The following RALYL variants were observed in gnomAD, a reference collection of about 807,000 sequenced individuals.
RALYL encodes RALY RNA binding protein like.
RALYL carries 29 observed loss-of-function variants against 35.1 expected under a neutral mutation model. The observed-to-expected ratio is 0.83, with a 90% CI of 0.61 to 1.13. The LOEUF (loss-of-function observed/expected upper bound fraction) is 1.13. Among genes scored for constraint, RALYL ranks in the 50% most tolerant of loss-of-function variants. The pLI is 0.00. For missense variants in RALYL, 359 were observed against 360.4 expected, an observed-to-expected ratio of 1.00 and a Z score of 0.03; for synonymous variants, 120 against 127.6, an observed-to-expected ratio of 0.94 and a Z score of 0.40.
intron 2 of RALYL, among the ~76,000 whole-genome samples, chr8:84,674,604 A>T (rs539187666): frequency 6.6e-6 from 1 of 152,270 alleles, no homozygotes; most frequent in East Asian, 1.9e-4. Context: ...TACACTCTGG[A>T]TGATTACACA....
chr8:84,254,823 C>G (rs1830915488), intron 1 of RALYL, among the ~76,000 whole-genome samples: 1 of 150,500 alleles, frequency 6.6e-6, no homozygotes, highest in Non-Finnish European at 1.5e-5. Flanking sequence ...AGAATCATGG[C>G]TGAAGACGAA....
chr8:84,796,475 T>C (rs982898524), intron 3 of RALYL, among the ~76,000 whole-genome samples: 1 of 152,244 alleles, frequency 6.6e-6, no homozygotes, highest in African/African-American at 2.4e-5. Flanking sequence ...CTTTAGGCAA[T>C]AAATGAATTT....
intron 1 of RALYL, among the ~76,000 whole-genome samples, chr8:84,223,079 CTGCCT>C (rs774377995): frequency 0.054 from 7,241 of 132,986 alleles, 664 homozygotes; most frequent in Middle Eastern, 0.11. Context: ...TCCCTTTGCC[CTGCCT>C]TTCCTTTCCT....
chr8:84,839,010 G>T (rs1391457889), intron 4 of RALYL, among the ~76,000 whole-genome samples: 2 of 152,218 alleles, frequency 1.3e-5, no homozygotes, highest in Middle Eastern at 3.2e-3. Context: ...GGCCAAATAG[G>T]AACAGCTCCA....
At chr8:84,402,460 C>T (rs1468269509) in intron 1 of RALYL, among the ~76,000 whole-genome samples, 6 of 152,022 alleles carry the variant, frequency 3.9e-5, no homozygotes, top group Non-Finnish European at 5.9e-5. Flanking sequence ...AGGCAGCTTT[C>T]GGAGCTTCTC....
intron 8 of RALYL, among the ~76,000 whole-genome samples, chr8:84,916,073 G>A (rs992118354): frequency 6.6e-6 from 1 of 151,888 alleles, no homozygotes; most frequent in African/African-American, 2.4e-5. Flanking sequence ...TCCTAAAACT[G>A]AAGCTAAACA....
At position 84,548,962 on chromosome 8, in the gene RALYL, C is replaced by G. The variant is rs550484298; in HGVS notation, c.256+19385C>G. Among the ~76,000 whole-genome samples the G allele has an allele frequency of 1.3e-4, 20 of 152,178 alleles. 2 individuals carry two copies. In the South Asian group the frequency reaches 3.9e-3, roughly 30 times the overall value. ...GAAGAACTTTCCTCAAAATACAGAC[C>G]CTTTTTATGTACTCGCAAATTGGAT... On this transcript the variant is annotated intron_variant, in intron 2 of 8. Transcript: ENST00000521268.
intron 1 of RALYL, among the ~76,000 whole-genome samples, chr8:84,411,877 C>T (rs910287914): frequency 1.3e-5 from 2 of 152,048 alleles, no homozygotes; most frequent in East Asian, 1.9e-4. Context: ...TAAATGTCAC[C>T]TTTGCCACTT....
intron 2 of RALYL, among the ~76,000 whole-genome samples, chr8:84,728,411 C>T (rs1845434971): frequency 6.6e-6 from 1 of 151,428 alleles, no homozygotes; most frequent in Non-Finnish European, 1.5e-5. Flanking sequence ...AAATTTTCTC[C>T]CATTTTGTAG....
chr8:84,329,671 G>A (rs1846461644), intron 1 of RALYL, among the ~76,000 whole-genome samples: 1 of 151,892 alleles, frequency 6.6e-6, no homozygotes, highest in Non-Finnish European at 1.5e-5. Flanking sequence ...TTATATTGTT[G>A]TAAATAAGAC....
At chr8:84,568,954 G>A (rs1229367733) in intron 2 of RALYL, among the ~76,000 whole-genome samples, 4 of 150,212 alleles carry the variant, frequency 2.7e-5, no homozygotes, top group African/African-American at 7.3e-5. Flanking sequence ...TTAGCCCTTT[G>A]TCAGATGAGT....
At chr8:84,842,709 A>G (rs1485737152) in intron 4 of RALYL, among the ~76,000 whole-genome samples, 2 of 152,210 alleles carry the variant, frequency 1.3e-5, no homozygotes, top group Non-Finnish European at 2.9e-5. Context: ...CATCAATGCA[A>G]AAATCCTCAG....
rs577781268 is a variant in RALYL at position 84,760,862 on chromosome 8, C to T, written c.257-13717C>T. Among the ~76,000 whole-genome samples, 4 of 152,126 alleles carry T rather than the reference C, an allele frequency of 2.6e-5. No homozygotes were observed. The East Asian group carries it at 7.7e-4, about 29-fold the overall frequency. On this transcript the variant is annotated intron_variant, in intron 2 of 8. Transcript: ENST00000521268. ...GAAGGAAAAGGTTTTAATGGAGCTT[C>T]TATTTATAATTAGATAGTTATCTTC...
At chr8:84,445,863 A>G (rs977360242) in intron 1 of RALYL, among the ~76,000 whole-genome samples, 1 of 151,422 alleles carries the variant, frequency 6.6e-6, no homozygotes, top group Non-Finnish European at 1.5e-5. Flanking sequence ...ATAATTTTAT[A>G]TAATAATGTA....
At chr8:84,611,976 T>A (rs974585410) in intron 2 of RALYL, among the ~76,000 whole-genome samples, 17 of 152,058 alleles carry the variant, frequency 1.1e-4, no homozygotes, top group South Asian at 8.3e-4. Context: ...TCCATTTTTT[T>A]AAATAAATTT....
intron 1 of RALYL, among the ~76,000 whole-genome samples, chr8:84,314,531 A>G (rs1843395134): frequency 1.3e-5 from 2 of 152,100 alleles, no homozygotes; most frequent in South Asian, 4.1e-4. Context: ...AATATATGTG[A>G]AACCAAAACC....
intron 1 of RALYL, among the ~76,000 whole-genome samples, chr8:84,300,698 T>C (rs1343809031): frequency 6.6e-6 from 1 of 152,108 alleles, no homozygotes; most frequent in Non-Finnish European, 1.5e-5. Context: ...TTGTCTTTTG[T>C]ATCATTGTTT....
At chr8:84,543,646 T>G (rs1441922918) in intron 2 of RALYL, among the ~76,000 whole-genome samples, 1 of 152,168 alleles carries the variant, frequency 6.6e-6, no homozygotes, top group Non-Finnish European at 1.5e-5. Context: ...TCTCAATTAA[T>G]GGTCAAATTA....
At chr8:84,916,687 T>C (rs1469639804) in intron 8 of RALYL, among the ~76,000 whole-genome samples, 1 of 152,070 alleles carries the variant, frequency 6.6e-6, no homozygotes, top group Non-Finnish European at 1.5e-5. Flanking sequence ...CAGTCTCAGG[T>C]ATGTCTTTAT....
Sources: allele counts gnomAD v4.1 joint callset (sites outside exome capture counted in the v4.1 genomes callset), GRCh38; gene constraint gnomAD v4.1.1; transcripts MANE v1.5; gene names NCBI Gene and HGNC (gene_info 2026-07-23, HGNC 2026-07-21).